MACROD2: variants seen among roughly 807,000 people sequenced by gnomAD.
MACROD2 encodes mono-ADP ribosylhydrolase 2.
In MACROD2, 36 loss-of-function variants were observed where a neutral mutation model predicts 70.4. The ratio of observed to expected loss-of-function variants is 0.51; its 90% CI spans 0.39 to 0.68. The LOEUF (loss-of-function observed/expected upper bound fraction) is 0.68. MACROD2 is among the 30% of genes least tolerant of loss of function. The probability of loss-of-function intolerance (pLI) is 0.00; values close to 1 mark genes in which losing one functional copy is unlikely to be tolerated. For synonymous variants in MACROD2, 172 were observed against 178.8 expected, an observed-to-expected ratio of 0.96 and a Z score of 0.30; for missense variants, 496 against 538.4, an observed-to-expected ratio of 0.92 and a Z score of 0.78.
At chr20:15,863,539 T>A (rs1270762686) in intron 9 of MACROD2, among the ~76,000 whole-genome samples, 2 of 152,224 alleles carry the variant, frequency 1.3e-5, no homozygotes, top group African/African-American at 4.8e-5. Flanking sequence ...GCCATTAAAG[T>A]CACAGTGTCC....
intron 3 of MACROD2, among the ~76,000 whole-genome samples, chr20:14,304,150 A>C (rs964461614): frequency 2.0e-4 from 30 of 152,156 alleles, no homozygotes; most frequent in African/African-American, 5.8e-4. Flanking sequence ...CAGGTAAGAA[A>C]ATTTCCATTA....
At chr20:14,085,405 T>G (rs2054064448) in intron 2 of MACROD2, among the ~76,000 whole-genome samples, 1 of 152,120 alleles carries the variant, frequency 6.6e-6, no homozygotes, top group South Asian at 2.1e-4. Context: ...GCTAAAGTTT[T>G]ATTGTATGTC....
chr20:14,958,725 T>C (rs1449092699), intron 5 of MACROD2, among the ~76,000 whole-genome samples: 1 of 152,188 alleles, frequency 6.6e-6, no homozygotes, highest in Non-Finnish European at 1.5e-5. Flanking sequence ...TTTCTCCTGA[T>C]TTTTCCATGC....
intron 8 of MACROD2, among the ~76,000 whole-genome samples, chr20:15,644,388 A>G (rs2146781591): frequency 6.6e-6 from 1 of 152,296 alleles, no homozygotes; most frequent in South Asian, 2.1e-4. Context: ...CCCCAAATCC[A>G]GGGAGAATCC....
At chr20:14,257,589 G>A (rs1201217561) in intron 3 of MACROD2, among the ~76,000 whole-genome samples, 3 of 151,968 alleles carry the variant, frequency 2.0e-5, no homozygotes, top group Admixed American at 6.6e-5. Context: ...TTAAAAATCT[G>A]AGGTACCCCA....
Position 14,685,531 on chromosome 20 carries a change from T to C in MACROD2, c.418+572T>C, listed in dbSNP as rs191135826. 1.0e-3 allele frequency among the ~76,000 whole-genome samples: 156 copies of C among 152,344 alleles called. 1 individual carries two copies. Among genetic ancestry groups the C allele is most frequent in the East Asian group, 1.2e-3 (6 of 5,196 alleles). On this transcript the variant is annotated intron_variant, in intron 5 of 17. Transcript: ENST00000684519. The stretch of plus-strand genomic sequence containing the variant: ...TGCGGAATGGTCAAAATTTCCGTTA[T>C]ATTTTAATAGAGAGAAGTATTGCAT...
Position 15,335,476 on chromosome 20 carries a change from C to CTT in MACROD2, c.541-95922_541-95921dup, listed in dbSNP as rs11480326. 6.0e-5 allele frequency among the ~76,000 whole-genome samples: 9 copies of CTT among 150,600 alleles called. 1 individual carries two copies. The highest frequency in any genetic ancestry group is 2.0e-4 in the East Asian group (1 of 5,126). ...TCTCTATTCTGCTAATGTAATATTT[C>CTT]TTTTTTTTGCTGTTCCTTTGAGCTG... On this transcript the variant is annotated intron_variant, in intron 6 of 17. Coordinates refer to ENST00000684519, the MANE Select transcript of MACROD2 (RefSeq NM_001351661.2).
At chr20:15,149,674 A>G (rs1236808331) in intron 5 of MACROD2, among the ~76,000 whole-genome samples, 2 of 152,070 alleles carry the variant, frequency 1.3e-5, no homozygotes, top group African/African-American at 2.4e-5. Context: ...AAGGGCCTCT[A>G]AAAGTATTAG....
At chr20:15,374,209 C>T (rs1317820062) in intron 6 of MACROD2, among the ~76,000 whole-genome samples, 1 of 151,778 alleles carries the variant, frequency 6.6e-6, no homozygotes, top group Non-Finnish European at 1.5e-5. Flanking sequence ...TACGCACATA[C>T]ACACATATAA....
At chr20:14,531,622 G>A (rs1407109519) in intron 4 of MACROD2, among the ~76,000 whole-genome samples, 1 of 152,132 alleles carries the variant, frequency 6.6e-6, no homozygotes, top group Admixed American at 6.5e-5. Flanking sequence ...TATATAGCAG[G>A]TATTTTATTA....
chr20:14,566,523 A>G (rs1568674208), intron 4 of MACROD2: 1 of 151,970 alleles, frequency 6.6e-6, no homozygotes, highest in Non-Finnish European at 1.5e-5. Flanking sequence ...AGACATTGCA[A>G]CAATTTACAC....
At chr20:15,793,929 T>A (rs969923946) in intron 8 of MACROD2, among the ~76,000 whole-genome samples, 2 of 147,436 alleles carry the variant, frequency 1.4e-5, no homozygotes, top group African/African-American at 2.5e-5. Context: ...GTGGCAAATA[T>A]AAAAGATAAT....
intron 7 of MACROD2, among the ~76,000 whole-genome samples, chr20:15,477,944 T>C (rs934838647): frequency 1.3e-5 from 2 of 151,950 alleles, no homozygotes; most frequent in African/African-American, 4.8e-5. Context: ...TGCAGTGACG[T>C]GAGGAAAAAG....
intron 3 of MACROD2, among the ~76,000 whole-genome samples, chr20:14,358,357 C>CAT (rs60299847): frequency 0.02 from 3,111 of 152,208 alleles, 100 homozygotes; most frequent in African/African-American, 0.072. Flanking sequence ...ATTCATTGAA[C>CAT]ATATATATAT....
At chr20:14,220,323 A>G (rs751528427) in intron 3 of MACROD2, among the ~76,000 whole-genome samples, 17 of 152,174 alleles carry the variant, frequency 1.1e-4, no homozygotes, top group African/African-American at 4.1e-4. Context: ...GAAAGGGGGC[A>G]GTCACAGGCC....
chr20:15,988,809 T>C (rs1303750986), intron 15 of MACROD2, among the ~76,000 whole-genome samples: 2 of 152,176 alleles, frequency 1.3e-5, no homozygotes, highest in East Asian at 1.9e-4. Flanking sequence ...ATCTTTATCA[T>C]AGATATTTCA....
intron 3 of MACROD2, among the ~76,000 whole-genome samples, chr20:14,373,880 G>A (rs1446678223): frequency 6.6e-6 from 1 of 152,122 alleles, no homozygotes; most frequent in African/African-American, 2.4e-5. Flanking sequence ...AGAGAATAAA[G>A]TGTTGCAAAT....
chr20:14,518,917 A>G (rs1485521162), intron 4 of MACROD2, among the ~76,000 whole-genome samples: 2 of 152,202 alleles, frequency 1.3e-5, no homozygotes, highest in African/African-American at 4.8e-5. Flanking sequence ...ACAAGATAGG[A>G]CAAGCTTATT....
At chr20:15,259,111 A>C (rs568567696) in intron 6 of MACROD2, among the ~76,000 whole-genome samples, 1 of 151,968 alleles carries the variant, frequency 6.6e-6, no homozygotes, top group Non-Finnish European at 1.5e-5. Context: ...AAATTCAAGG[A>C]TGCTTCTTTC....
Sources: gnomAD v4.1 joint callset for allele counts (sites outside exome capture counted in the v4.1 genomes callset) on GRCh38, gnomAD v4.1.1 for gene constraint, MANE v1.5 for transcripts, NCBI Gene and HGNC (gene_info 2026-07-23, HGNC 2026-07-21) for gene names.